ANKDD1A: variants seen among roughly 807,000 people sequenced by gnomAD.
The protein encoded by ANKDD1A is ankyrin repeat and death domain containing 1A.
Under a neutral mutation model 63.5 loss-of-function variants are expected in ANKDD1A, and 59 were observed. That is an observed-to-expected ratio of 0.93 (90% confidence interval 0.75 to 1.15). The LOEUF (loss-of-function observed/expected upper bound fraction) is 1.15, where lower values mean the gene tolerates loss of function less well. Ranked by LOEUF, ANKDD1A falls within the 50% of genes most tolerant of loss-of-function variation. The pLI is 0.00. For synonymous variants in ANKDD1A, 266 were observed against 263.9 expected (o/e 1.01, Z -0.08); for missense variants, 632 against 656.4 (o/e 0.96, Z 0.41).
chr15:64,940,553 C>T (rs2085174646), intron 9 of ANKDD1A, among the ~76,000 whole-genome samples: 1 of 152,100 alleles, frequency 6.6e-6, no homozygotes, highest in African/African-American at 2.4e-5. Context: ...CTGCCTCAGC[C>T]TCCCGAGTAG....
At chr15:64,922,994 G>A (rs955970117) in intron 4 of ANKDD1A, among the ~76,000 whole-genome samples, 11 of 152,054 alleles carry the variant, frequency 7.2e-5, no homozygotes, top group Admixed American at 3.3e-4. Flanking sequence ...GTTGTTTAAC[G>A]GGTCAGTAAG....
chr15:64,943,378 G>C (rs935656963), intron 10 of ANKDD1A, 106 bp from the exon 11 acceptor site: 7 of 896,034 alleles, frequency 7.8e-6, no homozygotes, highest in African/African-American at 6.7e-5. Flanking sequence ...CTGCATTAAA[G>C]AAAAGACTAG....
chr15:64,931,574 G>A lies in ANKDD1A; in HGVS notation c.757G>A (p.Ala253Thr), dbSNP rs377561408. 2 of 1,613,924 alleles carry A rather than the reference G, an allele frequency of 1.2e-6. No homozygotes were observed. Among genetic ancestry groups the A allele is most frequent in the South Asian group, 2.2e-5 (2 of 91,084 alleles). The part of the protein sequence containing the change: ...LLLRAGSTVN[A>T]LTQKNLSCLH... ...CCTCAGGGCTGGGAGCACCGTGAATGCCCTCACCCAGGTAGCCAGGCCCTC... is the reference window on the plus strand; with the variant it reads ...CCTCAGGGCTGGGAGCACCGTGAATACCCTCACCCAGGTAGCCAGGCCCTC... The change falls in exon 8 of 15, where the codon GCC becomes ACC. Residue 253 changes from alanine to threonine, a missense_variant. Transcript: ENST00000319580.
chr15:64,954,878 CTTCTCCTCCTCCTTCTTCCTTCTTCT>C (rs1363715024), intron 14 of ANKDD1A, among the ~76,000 whole-genome samples: 18 of 5,230 alleles, frequency 3.4e-3, no homozygotes, highest in African/African-American at 4.0e-3. Context: ...TTTCTTCTTC[CTTCTCCTCCTCCTTCTTCCTTCTTCT>C]CTTGTCTCTT....
chr15:64,914,656 G>A (rs1237810862), intron 1 of ANKDD1A, among the ~76,000 whole-genome samples: 2 of 152,220 alleles, frequency 1.3e-5, no homozygotes, highest in Admixed American at 1.3e-4. Context: ...AGCTGTGGGT[G>A]GATCAGGAAG....
At chr15:64,920,492 T>A (rs2085000440) in intron 3 of ANKDD1A, among the ~76,000 whole-genome samples, 1 of 152,194 alleles carries the variant, frequency 6.6e-6, no homozygotes, top group Admixed American at 6.5e-5. Context: ...CAGGGATGTC[T>A]CGTGAGGTGA....
At chr15:64,927,750 G>A (rs551881448) in intron 6 of ANKDD1A, among the ~76,000 whole-genome samples, 79 of 152,032 alleles carry the variant, frequency 5.2e-4, no homozygotes, top group East Asian at 3.1e-3. Flanking sequence ...GACTGTAGGC[G>A]CCCGCCACCA....
intron 6 of ANKDD1A, among the ~76,000 whole-genome samples, chr15:64,928,448 G>A (rs2085063989): frequency 6.6e-6 from 1 of 152,252 alleles, no homozygotes; most frequent in Non-Finnish European, 1.5e-5. Flanking sequence ...CAGCTTTGAT[G>A]AACTTCTCCA....
At chr15:64,916,586 C>T (rs1465640614) in intron 2 of ANKDD1A, among the ~76,000 whole-genome samples, 2 of 152,178 alleles carry the variant, frequency 1.3e-5, no homozygotes, top group Non-Finnish European at 2.9e-5. Context: ...CTCAGCCTCC[C>T]GAAGTGCTGG....
chr15:64,935,857 A>T (rs1214241391), intron 9 of ANKDD1A, among the ~76,000 whole-genome samples: 4 of 152,098 alleles, frequency 2.6e-5, no homozygotes, highest in African/African-American at 7.2e-5. Context: ...GAAAAAAAAA[A>T]GTAGTGGGAG....
chr15:64,917,563 G>T (rs778613793), intron 3 of ANKDD1A, 49 bp downstream of exon 3: 2 of 1,535,746 alleles, frequency 1.3e-6, no homozygotes, highest in Non-Finnish European at 1.8e-6. Flanking sequence ...GGGCACTGGA[G>T]ATCTCTCTGG....
intron 9 of ANKDD1A, among the ~76,000 whole-genome samples, chr15:64,935,298 A>G (rs2085121265): frequency 6.6e-6 from 1 of 151,786 alleles, no homozygotes; most frequent in African/African-American, 2.4e-5. Context: ...TGGGAGGCCA[A>G]GGTGAGCAGA....
rs1316191158 is a variant in ANKDD1A at position 64,930,829 on chromosome 15, A to G, written c.578A>G (p.Asn193Ser). 1.2e-6 allele frequency: 2 copies of G among 1,612,572 alleles called. No homozygotes were observed. Among genetic ancestry groups the G allele is most frequent in the Non-Finnish European group, 1.7e-6 (2 of 1,179,854 alleles). Residue 193 changes from asparagine (N) to serine (S), a missense_variant, in exon 7 of 15, where the codon AAC (asparagine) becomes AGC (serine). By Grantham distance (46) the Asn-to-Ser change is conservative. Coordinates refer to ENST00000319580, the MANE Select transcript of ANKDD1A (RefSeq NM_182703.6). ...CDHNVKDKEGNTALHLAAGRG... is the reference protein window; with the variant it reads ...CDHNVKDKEGSTALHLAAGRG... ...GAGCCCTTTTTCCTGCAGGAGGGGAACACTGCCCTTCATCTGGCTGCTGGT... is the reference window on the plus strand; with the variant it reads ...GAGCCCTTTTTCCTGCAGGAGGGGAGCACTGCCCTTCATCTGGCTGCTGGT...
In ANKDD1A at chr15:64,930,908, G is replaced by A; in HGVS notation, c.657G>A (p.Glu219=). Reference sequence around the variant, plus strand: ...TTGTGGACATCGGGCTGGACCTGGAGGAGCAGAATGCGGTGAGTCACCGCC... The same window carrying A: ...TTGTGGACATCGGGCTGGACCTGGAAGAGCAGAATGCGGTGAGTCACCGCC... The part of the protein sequence containing the change: ...QRLVDIGLDL[E]EQNAEGLTAL... The change falls in exon 7 of 15, where the codon GAG becomes GAA. Residue 219 remains glutamate (E), a synonymous_variant. Transcript: ENST00000319580. 6.2e-7 allele frequency: 1 copy of A among 1,611,696 alleles called. No homozygotes were observed. The highest frequency in any genetic ancestry group is 8.5e-7 in the Non-Finnish European group (1 of 1,179,964).
intron 11 of ANKDD1A, chr15:64,943,885 G>A: frequency 2.5e-6 from 1 of 399,534 alleles, no homozygotes; most frequent in South Asian, 2.7e-5. Context: ...GTAGGGTTGG[G>A]AAGTAGACGA....
chr15:64,922,013 G>C lies in ANKDD1A; in HGVS notation c.360G>C (p.Glu120Asp). 3 of 1,614,148 alleles carry C rather than the reference G, an allele frequency of 1.9e-6. No individual in the cohort carries two copies. Among genetic ancestry groups the C allele is most frequent in the Non-Finnish European group, 2.5e-6 (3 of 1,179,998 alleles). ...ACTCAGGGGCCAAGATCCACTGTGA[G>C]AGCAAGGTAAGGCCTCAGCTGGTAG... Reference protein sequence around the residue: ...LVNSGAKIHCESKDGLTLLHC... With the variant: ...LVNSGAKIHCDSKDGLTLLHC... The change falls in exon 4 of 15, where the codon GAG (glutamate) becomes GAC (aspartate). Residue 120 changes from glutamate (E) to aspartate (D), a missense_variant. Physicochemically the swap from Glu to Asp is conservative, Grantham distance 45. Coordinates refer to ENST00000319580, the MANE Select transcript of ANKDD1A (RefSeq NM_182703.6).
intron 6 of ANKDD1A, among the ~76,000 whole-genome samples, chr15:64,927,496 A>C (rs979193882): frequency 2.0e-5 from 3 of 152,184 alleles, no homozygotes; most frequent in Admixed American, 6.5e-5. Flanking sequence ...GGATTTCACC[A>C]ATCTGAGAAG....
chr15:64,917,364 A>C (rs1197920056), intron 2 of ANKDD1A, 22 bp from the exon 3 acceptor site: 1 of 1,588,362 alleles, frequency 6.3e-7, no homozygotes, highest in Non-Finnish European at 8.6e-7. Flanking sequence ...GCACCTGACA[A>C]GTGTCATCTC....
chr15:64,926,847 G>C (rs2085048619), intron 5 of ANKDD1A, 54 bp from the exon 6 acceptor site: 2 of 1,588,068 alleles, frequency 1.3e-6, no homozygotes, highest in Admixed American at 3.3e-5. Context: ...GGCAGAGGCA[G>C]GTATGCCCAC....
Sources: gnomAD v4.1 joint callset for allele counts (sites outside exome capture counted in the v4.1 genomes callset) on GRCh38, gnomAD v4.1.1 for gene constraint, MANE v1.5 for transcripts, NCBI Gene and HGNC (gene_info 2026-07-23, HGNC 2026-07-21) for gene names.